The following PCMTD1 variants were observed in gnomAD, a reference collection of about 807,000 sequenced individuals.
PCMTD1 encodes protein-L-isoaspartate O-methyltransferase domain-containing protein 1.
PCMTD1 carries 12 observed loss-of-function variants against 37.6 expected under a neutral mutation model. The observed-to-expected ratio is 0.32, with a 90% confidence interval of 0.20 to 0.52. The LOEUF is 0.52. Ranked by LOEUF, PCMTD1 falls within the 20% of genes least tolerant of loss-of-function variation. PCMTD1 has a pLI of 0.97. For synonymous variants in PCMTD1, 117 were observed against 135.8 expected (o/e 0.86, Z 0.96); for missense variants, 235 against 421.3 (o/e 0.56, Z 3.87).
chr8:51,870,227 T>C (rs2038619139), intron 1 of PCMTD1: 1 of 152,128 alleles, frequency 6.6e-6, no homozygotes, highest in South Asian at 2.1e-4. Context: ...CTCACCCAGC[T>C]CTAGAGGGAA....
At chr8:51,887,889 G>A (rs1278359626) in intron 1 of PCMTD1, among the ~76,000 whole-genome samples, 3 of 151,862 alleles carry the variant, frequency 2.0e-5, no homozygotes, top group South Asian at 2.1e-4. Context: ...TTACAGGCAC[G>A]TGCCAACCAC....
intron 4 of PCMTD1, among the ~76,000 whole-genome samples, chr8:51,831,774 A>C (rs1378627791): frequency 2.0e-5 from 3 of 152,234 alleles, no homozygotes; most frequent in African/African-American, 4.8e-5. Flanking sequence ...CAGATGTTTT[A>C]ACGCAAATGG....
intron 3 of PCMTD1, among the ~76,000 whole-genome samples, chr8:51,842,735 T>G (rs1473392327): frequency 6.6e-6 from 1 of 152,118 alleles, no homozygotes; most frequent in Admixed American, 6.6e-5. Flanking sequence ...CTTAAATATA[T>G]GTATATAAGA....
At chr8:51,897,781 T>G (rs968947099) in intron 1 of PCMTD1, among the ~76,000 whole-genome samples, 5 of 152,186 alleles carry the variant, frequency 3.3e-5, no homozygotes, top group African/African-American at 1.2e-4. Context: ...CAAGCCTACG[T>G]AGATTGGATT....
At chr8:51,887,745 C>CT (rs11438175) in intron 1 of PCMTD1, among the ~76,000 whole-genome samples, 87,183 of 136,144 alleles carry the variant, frequency 0.64, 30,968 homozygotes, top group Non-Finnish European at 0.79. Flanking sequence ...TTCATAATTT[C>CT]TTTTTTTTTT....
Position 51,845,693 on chromosome 8 carries a change from C to G in PCMTD1, c.378G>C (p.Glu126Asp). The change falls in exon 3 of 6, where the codon GAG (glutamate) becomes GAC (aspartate). Residue 126 changes from glutamate to aspartate, a missense_variant. Glu to Asp is a conservative substitution (Grantham distance 45). Around this residue, in one of 3 missense-constraint regions of PCMTD1, gnomAD observed 183 missense variants for 349.3 expected, o/e 0.52. Transcript: ENST00000522514. The stretch of plus-strand genomic sequence containing the variant: ...AGCTATCACTATTTTTGATGAAGCT[C>G]TCCAGTTTTTCCTTGGCATATTCCA... ...DVVEYAKEKLESFIKNSDSFD... is the reference protein window; with the variant it reads ...DVVEYAKEKLDSFIKNSDSFD... 6.2e-7 allele frequency: 1 copy of G among 1,612,902 alleles called. No individual in the cohort carries two copies.
At chr8:51,843,333 T>C (rs879943841) in intron 3 of PCMTD1, among the ~76,000 whole-genome samples, 9 of 152,116 alleles carry the variant, frequency 5.9e-5, no homozygotes, top group Non-Finnish European at 1.3e-4. Flanking sequence ...AAGATTAGGA[T>C]AATAAAATTT....
intron 3 of PCMTD1, among the ~76,000 whole-genome samples, chr8:51,842,227 T>C (rs2038156798): frequency 6.6e-6 from 1 of 152,176 alleles, no homozygotes; most frequent in South Asian, 2.1e-4. Context: ...TTTGATGATA[T>C]AAGACTAAGA....
intron 1 of PCMTD1, among the ~76,000 whole-genome samples, chr8:51,863,285 G>C (rs1175180875): frequency 6.6e-6 from 1 of 152,160 alleles, no homozygotes; most frequent in African/African-American, 2.4e-5. Context: ...TAGGGCTTAA[G>C]AAGAATGATC....
chr8:51,880,061 G>C (rs1160723542), intron 1 of PCMTD1, among the ~76,000 whole-genome samples: 1 of 151,802 alleles, frequency 6.6e-6, no homozygotes, highest in Non-Finnish European at 1.5e-5. Flanking sequence ...GCCAGGCAAA[G>C]TGGTGGCATG....
chr8:51,827,588 T>G (rs1458805870), intron 5 of PCMTD1, among the ~76,000 whole-genome samples: 1 of 152,118 alleles, frequency 6.6e-6, no homozygotes, highest in African/African-American at 2.4e-5. Flanking sequence ...TTGTACTATT[T>G]GCAGGCCCAG....
At chr8:51,898,901 C>T (rs1300897321) in intron 1 of PCMTD1, 29 bp downstream of exon 1, 1 of 1,318,408 alleles carries the variant, frequency 7.6e-7, no homozygotes, top group African/African-American at 1.5e-5. Flanking sequence ...CACCCCACGA[C>T]CCCGAGCCCC....
Position 51,861,937 on chromosome 8 carries a change from C to A in PCMTD1, c.-95-691G>T, listed in dbSNP as rs189654938. Among the ~76,000 whole-genome samples the A allele has an allele frequency of 1.3e-3, 202 of 152,172 alleles. 1 individual carries two copies. Among genetic ancestry groups the A allele is most frequent in the African/African-American group, 4.6e-3 (192 of 41,526 alleles). Reference sequence around the variant, plus strand: ...CCATGTTGCCCAAACTAGTCTCAAACTCCTGAGCTCAAGAGATCCATCCGC... The same window carrying A: ...CCATGTTGCCCAAACTAGTCTCAAAATCCTGAGCTCAAGAGATCCATCCGC... On this transcript the variant is annotated intron_variant, in intron 1 of 5. Coordinates refer to ENST00000522514, the MANE Select transcript of PCMTD1 (RefSeq NM_052937.4).
At position 51,840,291 on chromosome 8, in the gene PCMTD1, C is replaced by A. The variant is rs78544063; in HGVS notation, c.410+5370G>T. On this transcript the variant is annotated intron_variant, in intron 3 of 5. Transcript: ENST00000522514. Reference sequence around the variant, plus strand: ...TGCTGAAATTGTATTTCAACAATTTCTTCTCCTAAAAATGTGTTTGAAGCC... The same window carrying A: ...TGCTGAAATTGTATTTCAACAATTTATTCTCCTAAAAATGTGTTTGAAGCC... Among the ~76,000 whole-genome samples, 35 of 152,226 alleles carry A rather than the reference C, an allele frequency of 2.3e-4. No homozygotes were observed. The East Asian group carries it at 6.7e-3, about 29-fold the overall frequency.
chr8:51,899,154 CAA>C, upstream of PCMTD1: 1 of 1,340,438 alleles, frequency 7.5e-7, no homozygotes, highest in Non-Finnish European at 9.6e-7. Context: ...CCGCGGACGC[CAA>C]AGTCAACAAG....
intron 5 of PCMTD1, among the ~76,000 whole-genome samples, chr8:51,827,785 A>T (rs2037941873): frequency 6.6e-6 from 1 of 152,098 alleles, no homozygotes; most frequent in Non-Finnish European, 1.5e-5. Context: ...TTTAGTCTGT[A>T]AATATTTCAG....
intron 5 of PCMTD1, among the ~76,000 whole-genome samples, chr8:51,827,997 T>G (rs925480260): frequency 4.2e-4 from 64 of 152,134 alleles, no homozygotes; most frequent in African/African-American, 1.5e-3. Flanking sequence ...CTGTCATTAA[T>G]GAATTATGTT....
chr8:51,849,281 TAAAC>T (rs1563345423), intron 2 of PCMTD1: 3 of 151,930 alleles, frequency 2.0e-5, no homozygotes, highest in African/African-American at 4.8e-5. Flanking sequence ...TTCAAATAAA[TAAAC>T]AAGTAATATA....
chr8:51,859,450 T>G (rs1563350405), intron 2 of PCMTD1, among the ~76,000 whole-genome samples: 2 of 152,236 alleles, frequency 1.3e-5, no homozygotes, highest in South Asian at 2.1e-4. Flanking sequence ...TCGATGAAAA[T>G]TAATAATTTC....
Sources: gnomAD v4.1 joint callset for allele counts (sites outside exome capture counted in the v4.1 genomes callset) on GRCh38, gnomAD v4.1.1 for gene constraint, gnomAD v4.1.1 regional missense constraint, MANE v1.5 for transcripts, NCBI Gene and HGNC (gene_info 2026-07-23, HGNC 2026-07-21) for gene names.